NRG1: variants seen among roughly 807,000 people sequenced by gnomAD.
NRG1 encodes pro-neuregulin-1, membrane-bound isoform.
NRG1 carries 18 observed loss-of-function variants against 63.8 expected under a neutral mutation model. The ratio of observed to expected loss-of-function variants is 0.28; its 90% CI spans 0.19 to 0.42. The LOEUF (loss-of-function observed/expected upper bound fraction) is 0.42. Ranked by LOEUF, NRG1 falls within the 10% of genes least tolerant of loss-of-function variation. The pLI, the probability that NRG1 is intolerant of heterozygous loss-of-function variation, is 1.00. For synonymous variants in NRG1, 302 were observed against 301.3 expected, an observed-to-expected ratio of 1.00 and a Z score of -0.02; for missense variants, 762 against 814.7, an observed-to-expected ratio of 0.94 and a Z score of 0.79.
At chr8:32,170,050 A>G (rs1347885377) in intron 1 of NRG1, among the ~76,000 whole-genome samples, 2 of 152,212 alleles carry the variant, frequency 1.3e-5, no homozygotes, top group Non-Finnish European at 2.9e-5. Context: ...TCTACAAGCC[A>G]AGGAATGCCT....
At chr8:32,504,466 G>T (rs944820870) in intron 1 of NRG1, among the ~76,000 whole-genome samples, 1 of 151,972 alleles carries the variant, frequency 6.6e-6, no homozygotes, top group African/African-American at 2.4e-5. Context: ...ACTTATAAGC[G>T]TTTTTTTAAG....
At chr8:32,269,588 A>G (rs183072596) in intron 1 of NRG1, among the ~76,000 whole-genome samples, 3 of 152,164 alleles carry the variant, frequency 2.0e-5, no homozygotes, top group African/African-American at 7.2e-5. Flanking sequence ...GGGAAATTCC[A>G]GAATTCTATG....
chr8:32,652,684 G>A (rs1855386278), intron 5 of NRG1, among the ~76,000 whole-genome samples: 1 of 152,164 alleles, frequency 6.6e-6, no homozygotes, highest in South Asian at 2.1e-4. Flanking sequence ...TCTAGCCAAT[G>A]ACCAATATAC....
Position 32,204,653 on chromosome 8 carries a change from G to A in NRG1, c.38-391175G>A, listed in dbSNP as rs1429505863. The stretch of plus-strand genomic sequence containing the variant: ...CTGACAAAATGCCTGAGGTGTTAAC[G>A]GATCTTTTAAAATGTTAACTGTAGC... On this transcript the variant is annotated intron_variant, in intron 1 of 10. Transcript: ENST00000519301. Among the ~76,000 whole-genome samples the A allele has an allele frequency of 3.3e-5, 5 of 152,234 alleles. No individual in the cohort carries two copies. In the South Asian group the frequency reaches 6.2e-4, roughly 19 times the overall value.
intron 7 of NRG1, chr8:32,751,172 C>CAG (rs1157876520): frequency 6.6e-6 from 1 of 152,246 alleles, no homozygotes; most frequent in Non-Finnish European, 1.5e-5. Flanking sequence ...GTACAGTTTC[C>CAG]AGAGGCTCAT....
chr8:32,231,019 C>G (rs1010072517), intron 1 of NRG1, among the ~76,000 whole-genome samples: 1 of 152,016 alleles, frequency 6.6e-6, no homozygotes, highest in Non-Finnish European at 1.5e-5. Context: ...CCACCTTCTC[C>G]CCATGCTGGC....
intron 1 of NRG1, among the ~76,000 whole-genome samples, chr8:32,311,317 A>G (rs1586757592): frequency 6.6e-6 from 1 of 152,194 alleles, no homozygotes; most frequent in African/African-American, 2.4e-5. Flanking sequence ...AGTGCTACCG[A>G]TAAGATGAAA....
rs765087341 is a variant in NRG1 at position 32,763,729 on chromosome 8, G to T, written c.1260-19G>T. ...TCTTATTGCACCACACTTATGCAGG[G>T]TATTCTGTGCTCACACAGGTATGTG... On this transcript the variant is annotated intron_variant, in intron 11 of 11. Coordinates refer to ENST00000356819, the Ensembl canonical transcript of NRG1. The T allele has an allele frequency of 3.3e-6, 5 of 1,526,852 alleles. No individual in the cohort carries two copies. The highest frequency in any genetic ancestry group is 4.4e-6 in the Non-Finnish European group (5 of 1,138,382). The allele number at this position is 1,526,852 out of a possible 1,614,324, so 94.6% of individuals were successfully genotyped here.
At chr8:32,003,333 G>A (rs1482154349) in intron 1 of NRG1, among the ~76,000 whole-genome samples, 3 of 152,040 alleles carry the variant, frequency 2.0e-5, no homozygotes, top group African/African-American at 4.8e-5. Flanking sequence ...CAATCAATTT[G>A]TTCTAATTGA....
intron 1 of NRG1, among the ~76,000 whole-genome samples, chr8:31,931,806 G>T (rs1372879285): frequency 1.3e-5 from 2 of 152,164 alleles, no homozygotes; most frequent in East Asian, 3.9e-4. Context: ...GGGCAGCCTT[G>T]CTTCTGCCAT....
chr8:31,684,905 T>G (rs191843425), intron 1 of NRG1, among the ~76,000 whole-genome samples: 1 of 152,168 alleles, frequency 6.6e-6, no homozygotes, highest in East Asian at 1.9e-4. Flanking sequence ...AATTTGAACT[T>G]GATATAAATA....
chr8:32,474,515 A>G (rs1824246506), intron 1 of NRG1, among the ~76,000 whole-genome samples: 1 of 130,346 alleles, frequency 7.7e-6, no homozygotes, highest in Non-Finnish European at 1.6e-5. Context: ...TTTTTTTTGG[A>G]CGGAGTCTCA....
intron 1 of NRG1, among the ~76,000 whole-genome samples, chr8:32,028,529 A>G (rs1586588917): frequency 6.6e-6 from 1 of 152,258 alleles, no homozygotes; most frequent in Admixed American, 6.5e-5. Context: ...TTCCAAGACC[A>G]TTTCAGGGTT....
intron 1 of NRG1, chr8:32,221,117 TA>T (rs1158085704): frequency 6.6e-6 from 1 of 151,800 alleles, no homozygotes; most frequent in Non-Finnish European, 1.5e-5. Flanking sequence ...TTTTTTTAGC[TA>T]CTTTAAAAAA....
intron 1 of NRG1, among the ~76,000 whole-genome samples, chr8:31,772,989 C>T (rs1490713379): frequency 2.0e-5 from 3 of 152,176 alleles, no homozygotes; most frequent in Non-Finnish European, 4.4e-5. Context: ...CAAAAAGCAG[C>T]AGACTTACTG....
At chr8:32,705,918 C>G (rs888341985) in intron 5 of NRG1, among the ~76,000 whole-genome samples, 3 of 152,188 alleles carry the variant, frequency 2.0e-5, no homozygotes, top group African/African-American at 4.8e-5. Flanking sequence ...ATTGCCCAAC[C>G]TACCAAGGCT....
intron 1 of NRG1, among the ~76,000 whole-genome samples, chr8:31,700,521 A>T (rs1017751059): frequency 6.6e-6 from 1 of 152,162 alleles, no homozygotes; most frequent in African/African-American, 2.4e-5. Context: ...CGGCATGAAT[A>T]TGCCCACATA....
chr8:32,208,865 A>T (rs1369989691), intron 1 of NRG1, among the ~76,000 whole-genome samples: 1 of 152,202 alleles, frequency 6.6e-6, no homozygotes, highest in Non-Finnish European at 1.5e-5. Flanking sequence ...ATAAGTAATG[A>T]TCTATATGAA....
chr8:32,456,238 G>C (rs1048307225), intron 1 of NRG1, among the ~76,000 whole-genome samples: 2 of 152,172 alleles, frequency 1.3e-5, no homozygotes, highest in African/African-American at 4.8e-5. Flanking sequence ...GTGAGAAACA[G>C]TACATTTTAC....
Sources: allele counts gnomAD v4.1 joint callset (sites outside exome capture counted in the v4.1 genomes callset), GRCh38; gene constraint gnomAD v4.1.1; transcripts MANE v1.5; gene names NCBI Gene and HGNC (gene_info 2026-07-23, HGNC 2026-07-21).